The following ACAP1 variants were observed in gnomAD, a reference collection of about 807,000 sequenced individuals.
ACAP1 encodes the protein arf-GAP with coiled-coil, ANK repeat and PH domain-containing protein 1.
A neutral mutation model predicts 98.8 loss-of-function variants in ACAP1; 45 were observed. That is an observed-to-expected ratio of 0.46 (90% CI 0.36 to 0.58). The LOEUF (loss-of-function observed/expected upper bound fraction) is 0.58. Ranked by LOEUF, ACAP1 falls within the 20% of genes least tolerant of loss-of-function variation. ACAP1 has a pLI of 0.00. For synonymous variants in ACAP1, 362 were observed against 375.3 expected (o/e 0.96, Z 0.41); for missense variants, 735 against 971.4 (o/e 0.76, Z 3.24).
Position 7,350,473 on chromosome 17 carries a change from C to T in ACAP1, c.2072+236C>T, listed in dbSNP as rs2073394987. On this transcript the variant is annotated intron_variant, in intron 20 of 21. Coordinates refer to ENST00000158762, the MANE Select transcript of ACAP1 (RefSeq NM_014716.4). The surrounding 1 kb of genome is among the most constrained non-coding windows in gnomAD (Gnocchi z 4.6). Reference sequence around the variant, plus strand: ...CAGGGTGCAAGGATGCTTGGCCCACCCTGAGAGGCGTAATTCGCCCATCAA... The same window carrying T: ...CAGGGTGCAAGGATGCTTGGCCCACTCTGAGAGGCGTAATTCGCCCATCAA... 1.7e-6 allele frequency: 1 copy of T among 573,258 alleles called. No individual in the cohort carries two copies. Among genetic ancestry groups the T allele is most frequent in the African/African-American group, 1.9e-5 (1 of 53,166 alleles). 35.5% of individuals were successfully genotyped at this position (573,258 alleles called of 1,614,324 possible). A position where few individuals can be genotyped will look rare whatever the true frequency, so the allele number is the denominator to read the frequency against.
At position 7,351,378 on chromosome 17, in the gene ACAP1, G is replaced by T; in HGVS notation, c.2206G>T (p.Asp736Tyr). 6.2e-7 allele frequency: 1 copy of T among 1,613,172 alleles called. No homozygotes were observed. The highest frequency in any genetic ancestry group is 8.5e-7 in the Non-Finnish European group (1 of 1,179,584). ...GGAGAAGCTGAGCCGTCGCAGTCAT[G>T]ACCTCCACACGCTGTGACCCGAGGC... ...DPEKLSRRSH[D>Y]LHTL Residue 736 changes from aspartate (D) to tyrosine (Y), a missense_variant, in exon 22 of 22, where the codon GAC (aspartate) becomes TAC (tyrosine). Asp to Tyr is a radical substitution (Grantham distance 160). Coordinates refer to ENST00000158762, the MANE Select transcript of ACAP1 (RefSeq NM_014716.4).
intron 2 of ACAP1, among the ~76,000 whole-genome samples, chr17:7,339,610 G>C (rs750778763): frequency 6.6e-6 from 1 of 152,186 alleles, no homozygotes; most frequent in Non-Finnish European, 1.5e-5. Flanking sequence ...AGCCGAGATC[G>C]TGCCACTGCA....
Position 7,350,435 on chromosome 17 carries a change from G to C in ACAP1, c.2072+198G>C, listed in dbSNP as rs986008584. 4.7e-5 allele frequency: 28 copies of C among 589,832 alleles called. No homozygotes were observed. The highest frequency in any genetic ancestry group is 7.5e-5 in the Non-Finnish European group (25 of 331,414). 36.5% of individuals were successfully genotyped at this position (589,832 alleles called of 1,614,324 possible). A position where few individuals can be genotyped will look rare whatever the true frequency, so the allele number is the denominator to read the frequency against. On this transcript the variant is annotated intron_variant, in intron 20 of 21. Transcript: ENST00000158762. The surrounding 1 kb of genome is among the most constrained non-coding windows in gnomAD (Gnocchi z 4.6). ...CACTGGGACGTGGAGTAGAAGGCAG[G>C]CGGGAGGGCGGGCAGGGTGCAAGGA...
At chr17:7,342,687 G>A (rs959032435) in intron 5 of ACAP1, 6 of 606,060 alleles carry the variant, frequency 9.9e-6, no homozygotes, top group African/African-American at 9.3e-5. Flanking sequence ...ATCACCTGAG[G>A]TCGGGAGTTC....
chr17:7,337,697 T>C (rs1330891484), intron 2 of ACAP1, among the ~76,000 whole-genome samples: 1 of 151,814 alleles, frequency 6.6e-6, no homozygotes, highest in African/African-American at 2.4e-5. Context: ...CTACTAAAAA[T>C]GCAAAAATCA....
intron 5 of ACAP1, chr17:7,342,730 G>C (rs2073300230): frequency 5.6e-6 from 3 of 533,628 alleles, no homozygotes; most frequent in South Asian, 2.1e-5. Context: ...CAAAACCCCA[G>C]CTCTACTAAA....
chr17:7,349,345 A>G, intron 18 of ACAP1, 178 bp downstream of exon 18: 1 of 626,394 alleles, frequency 1.6e-6, no homozygotes. Context: ...AGAGAACCTG[A>G]GTTTGAACCC....
In ACAP1 at chr17:7,346,741, G is replaced by T. The variant is rs866062623; in HGVS notation, c.1008-67G>T. On this transcript the variant is annotated intron_variant, in intron 12 of 21. Transcript: ENST00000158762. ...TTGAATACTGGCTGAATGTCAGTCT[G>T]CCCATGCTGCCACTTTGCTTCCCAG... 1.2e-4 allele frequency: 190 copies of T among 1,538,824 alleles called. 2 individuals carry two copies. The South Asian group carries it at 2.2e-3, about 18-fold the overall frequency.
At chr17:7,339,433 AC>A (rs1203162868) in intron 2 of ACAP1, among the ~76,000 whole-genome samples, 4 of 151,770 alleles carry the variant, frequency 2.6e-5, no homozygotes, top group African/African-American at 9.7e-5. Flanking sequence ...ACATGATGAA[AC>A]CCCCATCTCT....
rs779178544 is a variant in ACAP1, at chr17:7,344,015, C to A, written c.670-34C>A. 1.3e-6 allele frequency: 2 copies of A among 1,578,134 alleles called. No homozygotes were observed. Among genetic ancestry groups the A allele is most frequent in the South Asian group, 1.1e-5 (1 of 87,310 alleles). Reference sequence around the variant, plus strand: ...AGGTTAGGGACTCCTAACTGGGGGGCCTTGGACATCTGAGATGCCCTTCCT... The same window carrying A: ...AGGTTAGGGACTCCTAACTGGGGGGACTTGGACATCTGAGATGCCCTTCCT... On this transcript the variant is annotated intron_variant, in intron 8 of 21. Coordinates refer to ENST00000158762, the MANE Select transcript of ACAP1 (RefSeq NM_014716.4). The surrounding 1 kb of genome is among the most constrained non-coding windows in gnomAD (Gnocchi z 4.9).
At chr17:7,346,563 A>T (rs916301882) in intron 12 of ACAP1, 72 bp downstream of exon 12, 1 of 1,356,534 alleles carries the variant, frequency 7.4e-7, no homozygotes, top group African/African-American at 1.5e-5. Context: ...AGGGCCCACC[A>T]CAATGGAGGC....
chr17:7,347,022 CT>C lies in ACAP1; in HGVS notation c.1132-8del. ...CCTTGGCCACCCTTTCTTCCCCTCT[CT>C]CCCCCAGGGCTCAGGACACCTGGCC... On this transcript the variant is annotated splice_region_variant and splice_polypyrimidine_tract_variant and intron_variant, in intron 13 of 21. Coordinates refer to ENST00000158762, the MANE Select transcript of ACAP1 (RefSeq NM_014716.4). The C allele has an allele frequency of 1.3e-6, 2 of 1,573,202 alleles. No homozygotes were observed. Among genetic ancestry groups the C allele is most frequent in the Non-Finnish European group, 1.7e-6 (2 of 1,154,932 alleles).
At chr17:7,337,191 C>T (rs771792519) in intron 1 of ACAP1, 121 bp from the exon 2 acceptor site, 10 of 892,898 alleles carry the variant, frequency 1.1e-5, no homozygotes, top group Admixed American at 1.9e-5. Context: ...GGGTGGGGGG[C>T]GAGCCTCTCA....
At chr17:7,346,713 T>A in intron 12 of ACAP1, 95 bp from the exon 13 acceptor site, 1 of 1,421,316 alleles carries the variant, frequency 7.0e-7, no homozygotes, top group South Asian at 1.3e-5. Flanking sequence ...CAACTGGAAC[T>A]GGTTGAATAC....
In ACAP1 at chr17:7,336,609, C is replaced by G; in HGVS notation, c.-126C>G. ...GGGGAAAGAATTGTGCCCCCAGGCCCTTCCCCGCGGAGGTCCCTCTCCTCC... is the reference window on the plus strand; with the variant it reads ...GGGGAAAGAATTGTGCCCCCAGGCCGTTCCCCGCGGAGGTCCCTCTCCTCC... On this transcript the variant is annotated 5_prime_UTR_variant, in exon 1 of 22. Coordinates refer to ENST00000158762, the MANE Select transcript of ACAP1 (RefSeq NM_014716.4). The G allele has an allele frequency of 8.1e-6, 8 of 987,670 alleles. No homozygotes were observed. The highest frequency in any genetic ancestry group is 1.3e-5 in the Non-Finnish European group (8 of 628,086). The allele number at this position is 987,670 out of a possible 1,614,324, so 61.2% of individuals were successfully genotyped here.
chr17:7,344,691 T>G lies in ACAP1; in HGVS notation c.854+43T>G. ...CCAATCAGCCCGCCCCACCCAATGA[T>G]GTATTTTCGAGTGGTAATAGCACAC... On this transcript the variant is annotated intron_variant, in intron 10 of 21. Coordinates refer to ENST00000158762, the MANE Select transcript of ACAP1 (RefSeq NM_014716.4). The surrounding 1 kb of genome is among the most constrained non-coding windows in gnomAD (Gnocchi z 4.9). The G allele has an allele frequency of 6.9e-7, 1 of 1,446,138 alleles. No homozygotes were observed. The highest frequency in any genetic ancestry group is 9.5e-7 in the Non-Finnish European group (1 of 1,051,346). The allele number at this position is 1,446,138 out of a possible 1,614,324, so 89.6% of individuals were successfully genotyped here.
At position 7,343,439 on chromosome 17, in the gene ACAP1, G is replaced by T; in HGVS notation, c.405G>T (p.Glu135Asp). The T allele has an allele frequency of 6.2e-7, 1 of 1,614,108 alleles. No homozygotes were observed. Among genetic ancestry groups the T allele is most frequent in the Non-Finnish European group, 8.5e-7 (1 of 1,180,024 alleles). ...RDFWRGAESL[E>D]AALTHNAEVP... is the part of the protein sequence containing the mutation. ...TCTGGCGGGGGGCTGAGAGCCTGGA[G>T]GCTGCCCTGACCCACAACGCAGAGG... The change falls in exon 6 of 22, where the codon GAG becomes GAT. Residue 135 changes from glutamate to aspartate, a missense_variant. This residue lies in a region of ACAP1 where 430 missense variants were observed against 531.8 expected (regional missense o/e 0.81). Coordinates refer to ENST00000158762, the MANE Select transcript of ACAP1 (RefSeq NM_014716.4). The surrounding 1 kb of genome is among the most constrained non-coding windows in gnomAD (Gnocchi z 4.9).
intron 4 of ACAP1, 40 bp from the exon 5 acceptor site, chr17:7,342,376 G>A (rs756743051): frequency 1.9e-6 from 3 of 1,613,922 alleles, no homozygotes; most frequent in South Asian, 2.2e-5. Flanking sequence ...CAGGTCACCT[G>A]TGGTCCTGAC....
rs201643276 is a variant in ACAP1, at chr17:7,351,263, A to G, written c.2123-32A>G. The G allele has an allele frequency of 6.3e-5, 99 of 1,573,312 alleles. No homozygotes were observed. The African/African-American group carries it at 1.2e-3, about 19-fold the overall frequency. On this transcript the variant is annotated intron_variant, in intron 21 of 21. Coordinates refer to ENST00000158762, the MANE Select transcript of ACAP1 (RefSeq NM_014716.4). Reference sequence around the variant, plus strand: ...ATCCTGCCCTTCTGCACTGGGGCCCAGCCGCCTCCCGGCCTTTCCTCCCTC... The same window carrying G: ...ATCCTGCCCTTCTGCACTGGGGCCCGGCCGCCTCCCGGCCTTTCCTCCCTC...
Sources: allele counts gnomAD v4.1 joint callset (sites outside exome capture counted in the v4.1 genomes callset), GRCh38; gene constraint gnomAD v4.1.1; regional missense constraint gnomAD v4.1.1; non-coding constraint Gnocchi (gnomAD v3.1); transcripts MANE v1.5; gene names NCBI Gene and HGNC (gene_info 2026-07-23, HGNC 2026-07-21).